HS6ST3: variants seen among roughly 807,000 people sequenced by gnomAD.
HS6ST3 encodes heparan sulfate 6-O-sulfotransferase 3, also known as heparan-sulfate 6-O-sulfotransferase 3.
In HS6ST3, 12 loss-of-function variants were observed where a neutral mutation model predicts 36.7. The ratio of observed to expected loss-of-function variants is 0.33; its 90% CI spans 0.21 to 0.53. HS6ST3 has a LOEUF of 0.53. Ranked by LOEUF, HS6ST3 falls within the 20% of genes least tolerant of loss-of-function variation. HS6ST3 has a pLI of 0.95. For synonymous variants in HS6ST3, 240 were observed against 257.5 expected (o/e 0.93, Z 0.65); for missense variants, 584 against 640.9 (o/e 0.91, Z 0.96).
intron 1 of HS6ST3, among the ~76,000 whole-genome samples, chr13:96,165,727 G>A (rs2054157073): frequency 6.6e-6 from 1 of 152,258 alleles, no homozygotes; most frequent in African/African-American, 2.4e-5. Flanking sequence ...GCTTGCACCT[G>A]GCCTGGAAGA....
intron 1 of HS6ST3, among the ~76,000 whole-genome samples, chr13:96,262,145 A>G (rs2054669456): frequency 1.3e-5 from 2 of 152,218 alleles, no homozygotes; most frequent in African/African-American, 2.4e-5. Flanking sequence ...CATCACAACT[A>G]GGTATCTTTA....
chr13:96,326,663 C>G (rs12560495), intron 1 of HS6ST3, among the ~76,000 whole-genome samples: 73,699 of 151,824 alleles, frequency 0.49, 18,412 homozygotes, highest in African/African-American at 0.6. Flanking sequence ...TTTTATAGCA[C>G]CTTGTTCTGT....
At chr13:96,143,402 A>G (rs576797746) in intron 1 of HS6ST3, among the ~76,000 whole-genome samples, 1 of 148,680 alleles carries the variant, frequency 6.7e-6, no homozygotes, top group East Asian at 1.9e-4. Flanking sequence ...ATATACTAAT[A>G]TATAAATATA....
intron 1 of HS6ST3, among the ~76,000 whole-genome samples, chr13:96,343,699 C>T (rs916821061): frequency 1.3e-5 from 2 of 151,936 alleles, no homozygotes; most frequent in Admixed American, 1.3e-4. Flanking sequence ...TTCCATTTCC[C>T]TTATTTATTT....
At chr13:96,774,671 A>G (rs374755107) in intron 1 of HS6ST3, among the ~76,000 whole-genome samples, 21 of 152,288 alleles carry the variant, frequency 1.4e-4, no homozygotes, top group East Asian at 5.8e-4. Context: ...TCCAAGAAAT[A>G]TGGGATTATG....
intron 1 of HS6ST3, among the ~76,000 whole-genome samples, chr13:96,647,771 A>G (rs2056593962): frequency 6.6e-6 from 1 of 151,922 alleles, no homozygotes; most frequent in African/African-American, 2.4e-5. Context: ...TGAATCTGTT[A>G]TACTTTCATT....
chr13:96,403,761 T>A (rs2055463322), intron 1 of HS6ST3, among the ~76,000 whole-genome samples: 1 of 152,248 alleles, frequency 6.6e-6, no homozygotes, highest in South Asian at 2.1e-4. Context: ...AATGCTTTCA[T>A]TAGCGTGTAT....
Position 96,360,854 on chromosome 13 carries a change from G to A in HS6ST3, c.707+269285G>A, listed in dbSNP as rs866627551. Among the ~76,000 whole-genome samples, 9 of 151,110 alleles carry A rather than the reference G, an allele frequency of 6.0e-5. No homozygotes were observed. The East Asian group carries it at 1.4e-3, about 23-fold the overall frequency. The stretch of plus-strand genomic sequence containing the variant: ...CCCAGTTACTTGGAAACTGAGGCAG[G>A]AGAATACATTGAACTTGGGAGGCGG... On this transcript the variant is annotated intron_variant, in intron 1 of 1. Coordinates refer to ENST00000376705, the MANE Select transcript of HS6ST3 (RefSeq NM_153456.4).
At position 96,625,329 on chromosome 13, in the gene HS6ST3, C is replaced by G. The variant is rs1459193494; in HGVS notation, c.708-207161C>G. ...TTCCCATCTGGTTCGGGAAACAAGTCCTTCCAGTCCCCTACCTCACATGTG... is the reference window on the plus strand; with the variant it reads ...TTCCCATCTGGTTCGGGAAACAAGTGCTTCCAGTCCCCTACCTCACATGTG... On this transcript the variant is annotated intron_variant, in intron 1 of 1. Transcript: ENST00000376705. Among the ~76,000 whole-genome samples the G allele has an allele frequency of 2.0e-5, 3 of 152,236 alleles. No individual in the cohort carries two copies. The East Asian group carries it at 5.8e-4, about 29-fold the overall frequency.
At chr13:96,327,965 T>C (rs9556564) in intron 1 of HS6ST3, among the ~76,000 whole-genome samples, 10 of 118,234 alleles carry the variant, frequency 8.5e-5, no homozygotes, top group African/African-American at 3.1e-4. Flanking sequence ...GTTCACTCAT[T>C]ATTTGGCTCT....
At chr13:96,501,217 G>C (rs2056002506) in intron 1 of HS6ST3, among the ~76,000 whole-genome samples, 1 of 152,126 alleles carries the variant, frequency 6.6e-6, no homozygotes, top group Admixed American at 6.6e-5. Flanking sequence ...CTGCTGTTTG[G>C]AACCTAATGG....
intron 1 of HS6ST3, among the ~76,000 whole-genome samples, chr13:96,266,831 A>G (rs1213694870): frequency 1.3e-5 from 2 of 152,276 alleles, no homozygotes; most frequent in African/African-American, 2.4e-5. Context: ...CTACCAATAA[A>G]TCAGAAGTGA....
intron 1 of HS6ST3, among the ~76,000 whole-genome samples, chr13:96,760,563 G>A (rs908910147): frequency 2.0e-5 from 3 of 151,960 alleles, no homozygotes; most frequent in Admixed American, 6.6e-5. Context: ...CAGTATTAGC[G>A]AATGTAGGTG....
chr13:96,706,627 G>A (rs938396933), intron 1 of HS6ST3, among the ~76,000 whole-genome samples: 17 of 151,424 alleles, frequency 1.1e-4, no homozygotes, highest in Non-Finnish European at 1.9e-4. Flanking sequence ...TTGAGAGAGC[G>A]GAGTTTCTCA....
Position 96,833,200 on chromosome 13 carries a change from C to T in HS6ST3, c.*2C>T. 6.6e-7 allele frequency: 1 copy of T among 1,525,234 alleles called. No homozygotes were observed. Among genetic ancestry groups the T allele is most frequent in the African/African-American group, 1.4e-5 (1 of 72,682 alleles). 94.5% of individuals were successfully genotyped at this position (1,525,234 alleles called of 1,614,324 possible). ...AACAGCCAGGTGGTGAGATGGTGACCTCCTGCCCTCTCCTCTCTCAGGAGG... is the reference window on the plus strand; with the variant it reads ...AACAGCCAGGTGGTGAGATGGTGACTTCCTGCCCTCTCCTCTCTCAGGAGG... On this transcript the variant is annotated 3_prime_UTR_variant, in exon 2 of 2. Transcript: ENST00000376705.
At chr13:96,328,475 G>A (rs1389887386) in intron 1 of HS6ST3, among the ~76,000 whole-genome samples, 1 of 151,968 alleles carries the variant, frequency 6.6e-6, no homozygotes, top group Non-Finnish European at 1.5e-5. Flanking sequence ...TTATATGCTG[G>A]ATTACATTTA....
chr13:96,467,978 T>C (rs1426657535), intron 1 of HS6ST3, among the ~76,000 whole-genome samples: 1 of 152,160 alleles, frequency 6.6e-6, no homozygotes, highest in Non-Finnish European at 1.5e-5. Flanking sequence ...AGTATCAACA[T>C]TGTAGCTGAA....
intron 1 of HS6ST3, among the ~76,000 whole-genome samples, chr13:96,597,447 A>G (rs903462220): frequency 6.6e-6 from 1 of 151,682 alleles, no homozygotes; most frequent in Non-Finnish European, 1.5e-5. Context: ...AGCATTTTTC[A>G]TATTTTTTGC....
At chr13:96,286,110 C>T (rs771995330) in intron 1 of HS6ST3, among the ~76,000 whole-genome samples, 3 of 151,280 alleles carry the variant, frequency 2.0e-5, no homozygotes, top group Non-Finnish European at 4.4e-5. Flanking sequence ...TTGGTGTTGG[C>T]TTCATTCTTC....
Sources: allele counts gnomAD v4.1 joint callset (sites outside exome capture counted in the v4.1 genomes callset), GRCh38; gene constraint gnomAD v4.1.1; transcripts MANE v1.5; gene names NCBI Gene and HGNC (gene_info 2026-07-23, HGNC 2026-07-21).